FAM13A: variants seen among roughly 807,000 people sequenced by gnomAD.
FAM13A encodes protein FAM13A.
A neutral mutation model predicts 129.6 loss-of-function variants in FAM13A; 76 were observed. The observed-to-expected ratio is 0.59, with a 90% CI of 0.49 to 0.71. The LOEUF (loss-of-function observed/expected upper bound fraction) is 0.71. Among genes scored for constraint, FAM13A ranks in the 30% least tolerant of loss-of-function variants. FAM13A has a pLI of 0.00. For missense variants in FAM13A, 1,108 were observed against 1,249.3 expected (o/e 0.89, Z 1.70); for synonymous variants, 443 against 449.9 (o/e 0.98, Z 0.20).
At chr4:88,799,648 C>T (rs903115724) in intron 8 of FAM13A, among the ~76,000 whole-genome samples, 7 of 152,156 alleles carry the variant, frequency 4.6e-5, no homozygotes, top group Admixed American at 1.3e-4. Context: ...CCATGCACGG[C>T]TAATTTTTTG....
chr4:88,819,731 C>A (rs903932494), intron 7 of FAM13A, among the ~76,000 whole-genome samples: 2 of 152,148 alleles, frequency 1.3e-5, no homozygotes, highest in Admixed American at 1.3e-4. Context: ...TCTCAAGGAA[C>A]TTTTTCCGAT....
At position 88,728,329 on chromosome 4, in the gene FAM13A, A is replaced by G. The variant is rs1431323384; in HGVS notation, c.*204T>C. On this transcript the variant is annotated 3_prime_UTR_variant, in exon 24 of 24. Transcript: ENST00000264344. Reference sequence around the variant, plus strand: ...GCAGTCTTGACTTTCCAATTACAAAATGCCTAAGTCAGGTCACATTGTCTT... The same window carrying G: ...GCAGTCTTGACTTTCCAATTACAAAGTGCCTAAGTCAGGTCACATTGTCTT... 2 of 615,350 alleles carry G rather than the reference A, an allele frequency of 3.3e-6. No homozygotes were observed. Among genetic ancestry groups the G allele is most frequent in the Non-Finnish European group, 5.7e-6 (2 of 353,600 alleles). The allele number at this position is 615,350 out of a possible 1,614,324, so 38.1% of individuals were successfully genotyped here.
chr4:88,967,948 G>A (rs955794219), intron 4 of FAM13A, among the ~76,000 whole-genome samples: 11 of 152,162 alleles, frequency 7.2e-5, no homozygotes, highest in African/African-American at 2.4e-4. Context: ...GAGACAGGCT[G>A]TGGTGGTAGT....
chr4:88,915,878 C>T (rs953169551), intron 5 of FAM13A, among the ~76,000 whole-genome samples: 29 of 152,070 alleles, frequency 1.9e-4, no homozygotes, highest in Non-Finnish European at 3.7e-4. Context: ...ATGGCTTTTG[C>T]GTCCTCTCTT....
At chr4:88,867,194 C>T (rs915043219) in intron 6 of FAM13A, among the ~76,000 whole-genome samples, 2 of 152,134 alleles carry the variant, frequency 1.3e-5, no homozygotes, top group African/African-American at 4.8e-5. Flanking sequence ...ATTTAATATA[C>T]TTGTTGGTTT....
At chr4:89,035,240 T>C (rs922409987) in intron 1 of FAM13A, among the ~76,000 whole-genome samples, 2 of 152,132 alleles carry the variant, frequency 1.3e-5, no homozygotes, top group Non-Finnish European at 2.9e-5. Context: ...GGGTATTATG[T>C]TCACTATTTG....
intron 14 of FAM13A, among the ~76,000 whole-genome samples, chr4:88,752,708 G>T (rs1326781568): frequency 6.6e-6 from 1 of 152,058 alleles, no homozygotes; most frequent in Non-Finnish European, 1.5e-5. Context: ...CAACATAAAA[G>T]AATAAAAAAT....
chr4:88,733,629 CA>C (rs1176428593), intron 21 of FAM13A, among the ~76,000 whole-genome samples: 1 of 152,142 alleles, frequency 6.6e-6, no homozygotes, highest in African/African-American at 2.4e-5. Flanking sequence ...ATAAGGAAAA[CA>C]GGGTAGAAGT....
chr4:88,889,706 C>G (rs1220407800), intron 6 of FAM13A, among the ~76,000 whole-genome samples: 3 of 152,102 alleles, frequency 2.0e-5, no homozygotes, highest in Non-Finnish European at 4.4e-5. Flanking sequence ...CACACGCCTT[C>G]TATCTTCTTT....
chr4:88,761,862 T>C (rs1419780215), intron 13 of FAM13A, among the ~76,000 whole-genome samples: 1 of 152,210 alleles, frequency 6.6e-6, no homozygotes, highest in Non-Finnish European at 1.5e-5. Flanking sequence ...GCTAGATGTT[T>C]TTTTCACACA....
intron 5 of FAM13A, among the ~76,000 whole-genome samples, chr4:88,908,870 C>T (rs961365409): frequency 3.3e-5 from 5 of 152,086 alleles, no homozygotes; most frequent in African/African-American, 9.7e-5. Flanking sequence ...CAGCAAGCAG[C>T]GAGCAAGGGG....
chr4:88,835,573 C>T (rs1734675477), intron 7 of FAM13A, among the ~76,000 whole-genome samples: 1 of 151,990 alleles, frequency 6.6e-6, no homozygotes, highest in Admixed American at 6.6e-5. Context: ...TACAATTCAT[C>T]ATAATGTAGA....
intron 6 of FAM13A, among the ~76,000 whole-genome samples, chr4:88,860,794 C>A (rs1739363344): frequency 6.6e-6 from 1 of 152,162 alleles, no homozygotes; most frequent in African/African-American, 2.4e-5. Context: ...GACTAATGAA[C>A]CCTGTCCACA....
intron 6 of FAM13A, among the ~76,000 whole-genome samples, chr4:88,876,589 C>T (rs1742520348): frequency 6.6e-6 from 1 of 151,806 alleles, no homozygotes; most frequent in Non-Finnish European, 1.5e-5. Flanking sequence ...ACCCCCTGGT[C>T]ACATCACTTC....
At chr4:89,023,466 C>G (rs1257578168) in intron 2 of FAM13A, among the ~76,000 whole-genome samples, 1 of 149,740 alleles carries the variant, frequency 6.7e-6, no homozygotes, top group Non-Finnish European at 1.5e-5. Flanking sequence ...TGACCTTAGT[C>G]TTTCTTTTCC....
At position 88,747,037 on chromosome 4, in the gene FAM13A, G is replaced by T. The variant is rs370838759; in HGVS notation, c.2383-22C>A. The T allele has an allele frequency of 1.6e-5, 24 of 1,495,156 alleles. No homozygotes were observed. The African/African-American group carries it at 2.8e-4, about 17-fold the overall frequency. 92.6% of individuals were successfully genotyped at this position (1,495,156 alleles called of 1,614,324 possible). ...TATCCTGTATAAACACAGGGATAGAGAATTGAAAGAGAGGAAAATGTGTGT... is the reference window on the plus strand; with the variant it reads ...TATCCTGTATAAACACAGGGATAGATAATTGAAAGAGAGGAAAATGTGTGT... On this transcript the variant is annotated intron_variant, in intron 18 of 23. Transcript: ENST00000264344.
chr4:88,945,990 G>GTGTGTGTGTGTGTGTGTGTGTGTATA, intron 4 of FAM13A, among the ~76,000 whole-genome samples: 1 of 61,966 alleles, frequency 1.6e-5, no homozygotes, highest in African/African-American at 8.6e-5. Context: ...GTGTGTGTGT[G>GTGTGTGTGTGTGTGTGTGTGTGTATA]TATATATATA....
At chr4:88,965,528 AC>A (rs1328467254) in intron 4 of FAM13A, among the ~76,000 whole-genome samples, 1 of 152,154 alleles carries the variant, frequency 6.6e-6, no homozygotes, top group Non-Finnish European at 1.5e-5. Context: ...CTGAAAAGAA[AC>A]CTGAAAACAG....
At chr4:88,819,096 G>A (rs35806830) in intron 7 of FAM13A, among the ~76,000 whole-genome samples, 37,542 of 152,014 alleles carry the variant, frequency 0.25, 5,123 homozygotes, top group Non-Finnish European at 0.3. Context: ...AAGAGCCACT[G>A]CAATTTGGAA....
Sources: gnomAD v4.1 joint callset for allele counts (sites outside exome capture counted in the v4.1 genomes callset) on GRCh38, gnomAD v4.1.1 for gene constraint, MANE v1.5 for transcripts, NCBI Gene and HGNC (gene_info 2026-07-23, HGNC 2026-07-21) for gene names.